Variants in MED12L observed in about 807,000 individuals in gnomAD.
MED12L encodes the protein mediator of RNA polymerase II transcription subunit 12-like protein.
Under a neutral mutation model 281.3 loss-of-function variants are expected in MED12L, and 60 were observed. The ratio of observed to expected loss-of-function variants is 0.21; its 90% CI spans 0.17 to 0.26. The LOEUF (loss-of-function observed/expected upper bound fraction) is 0.26, where lower values mean the gene tolerates loss of function less well. Among genes scored for constraint, MED12L ranks in the 10% least tolerant of loss-of-function variants. The pLI is 1.00. For synonymous variants in MED12L, 974 were observed against 987.2 expected (o/e 0.99, Z 0.25); for missense variants, 2,146 against 2,680.9 (o/e 0.80, Z 4.41).
intron 16 of MED12L, among the ~76,000 whole-genome samples, chr3:151,275,883 A>T (rs967181205): frequency 1.5e-4 from 23 of 152,168 alleles, no homozygotes; most frequent in Non-Finnish European, 5.9e-5. Flanking sequence ...TTTAGGAGGC[A>T]ATGCATCTTT....
In MED12L at chr3:151,373,855, C is replaced by T. The variant is rs928603196; in HGVS notation, c.3864+1089C>T. 1.5e-3 allele frequency among the ~76,000 whole-genome samples: 227 copies of T among 152,212 alleles called. 1 individual carries two copies. The highest frequency in any genetic ancestry group is 5.7e-4 in the Non-Finnish European group (39 of 68,016). On this transcript the variant is annotated intron_variant, in intron 27 of 44. Coordinates refer to ENST00000687756, the MANE Select transcript of MED12L (RefSeq NM_001393769.1). ...CTATTCCTCCAAGGAGCCCTTGGTT[C>T]TATTTAGCAGAGAACGTTACTGAGA...
chr3:151,224,816 C>T (rs937540551), intron 16 of MED12L, among the ~76,000 whole-genome samples: 8 of 152,122 alleles, frequency 5.3e-5, no homozygotes, highest in African/African-American at 1.9e-4. Context: ...CATTTGATAT[C>T]ATTGATTTCC....
At chr3:151,335,637 G>T (rs1750880388) in intron 16 of MED12L, among the ~76,000 whole-genome samples, 1 of 152,150 alleles carries the variant, frequency 6.6e-6, no homozygotes. Context: ...ACTGTGAAAT[G>T]TGGGGTTAAT....
intron 4 of MED12L, among the ~76,000 whole-genome samples, chr3:151,123,906 T>G (rs185058920): frequency 6.6e-5 from 10 of 152,376 alleles, no homozygotes; most frequent in Admixed American, 2.6e-4. Context: ...TGCATAGATT[T>G]CAGTGGTGAA....
chr3:151,190,713 A>C lies in MED12L; in HGVS notation c.1754-4A>C. Reference sequence around the variant, plus strand: ...AATTCTTGATTGAATTTGTTTCTCTATAGCGGACCCAAACAGTGAATGTGA... The same window carrying C: ...AATTCTTGATTGAATTTGTTTCTCTCTAGCGGACCCAAACAGTGAATGTGA... On this transcript the variant is annotated splice_polypyrimidine_tract_variant and splice_region_variant and intron_variant, in intron 13 of 44. Transcript: ENST00000687756. 6.2e-7 allele frequency: 1 copy of C among 1,613,828 alleles called. No homozygotes were observed. Among genetic ancestry groups the C allele is most frequent in the Non-Finnish European group, 8.5e-7 (1 of 1,179,800 alleles).
chr3:151,365,301 C>A (rs1014575220), intron 22 of MED12L, 95 bp downstream of exon 22: 5 of 1,001,802 alleles, frequency 5.0e-6, no homozygotes, highest in African/African-American at 3.2e-5. Flanking sequence ...TCTGGACTCA[C>A]ATTTGGCTAT....
At chr3:151,400,147 T>G (rs1715493123) in intron 39 of MED12L, among the ~76,000 whole-genome samples, 1 of 152,070 alleles carries the variant, frequency 6.6e-6, no homozygotes, top group Non-Finnish European at 1.5e-5. Flanking sequence ...TTCATACCCC[T>G]CACAATATCG....
At chr3:151,367,001 C>T (rs182714348) in intron 23 of MED12L, among the ~76,000 whole-genome samples, 5 of 152,068 alleles carry the variant, frequency 3.3e-5, no homozygotes, top group Admixed American at 2.0e-4. Flanking sequence ...GCATATGGTG[C>T]GAATCAGTAT....
chr3:151,415,212 CT>C (rs1717405221), intron 42 of MED12L, among the ~76,000 whole-genome samples: 2 of 152,050 alleles, frequency 1.3e-5, no homozygotes, highest in African/African-American at 4.8e-5. Flanking sequence ...ATAATATGTC[CT>C]TCTGGTAATT....
chr3:151,163,448 A>G (rs975805791), intron 8 of MED12L, among the ~76,000 whole-genome samples: 1 of 152,124 alleles, frequency 6.6e-6, no homozygotes, highest in African/African-American at 2.4e-5. Flanking sequence ...CTGCCTGCCC[A>G]CCATTTATGA....
chr3:151,173,581 T>C (rs1254898803), intron 11 of MED12L, among the ~76,000 whole-genome samples: 1 of 152,222 alleles, frequency 6.6e-6, no homozygotes, highest in African/African-American at 2.4e-5. Context: ...TTTAACATAG[T>C]AAACAATATT....
chr3:151,197,556 G>C (rs928680588), intron 16 of MED12L, among the ~76,000 whole-genome samples: 2 of 152,152 alleles, frequency 1.3e-5, no homozygotes, highest in Admixed American at 1.3e-4. Context: ...ACACGGCCTT[G>C]CTATGCGAAG....
intron 6 of MED12L, 49 bp from the exon 7 acceptor site, chr3:151,158,639 TG>T: frequency 7.8e-7 from 1 of 1,274,658 alleles, no homozygotes; most frequent in South Asian, 1.3e-5. Context: ...GTGCCTTTTT[TG>T]TTTTTTTTCT....
chr3:151,117,435 G>A (rs1712997423), intron 3 of MED12L, among the ~76,000 whole-genome samples: 1 of 152,038 alleles, frequency 6.6e-6, no homozygotes. Context: ...ACAGAGATGG[G>A]ACACATAGAT....
chr3:151,101,401 G>C (rs1310114968), intron 2 of MED12L, among the ~76,000 whole-genome samples: 1 of 152,190 alleles, frequency 6.6e-6, no homozygotes, highest in Non-Finnish European at 1.5e-5. Flanking sequence ...GAGGCACAGA[G>C]AGGTACTTAA....
intron 25 of MED12L, among the ~76,000 whole-genome samples, chr3:151,368,971 C>T (rs368404029): frequency 6.6e-6 from 1 of 152,044 alleles, no homozygotes; most frequent in South Asian, 2.1e-4. Flanking sequence ...CTGTGTTGGC[C>T]AGACTGGTCT....
chr3:151,175,499 TG>T (rs1721937628), intron 11 of MED12L, among the ~76,000 whole-genome samples: 1 of 152,228 alleles, frequency 6.6e-6, no homozygotes, highest in Non-Finnish European at 1.5e-5. Flanking sequence ...CTCCTTTTTA[TG>T]GTGTTATATA....
chr3:151,432,629 C>T, intron 44 of MED12L, 123 bp from the exon 45 acceptor site: 1 of 708,580 alleles, frequency 1.4e-6, no homozygotes, highest in Non-Finnish European at 2.5e-6. Flanking sequence ...AAGGATAGTA[C>T]TCTCCGGCCA....
intron 2 of MED12L, among the ~76,000 whole-genome samples, chr3:151,093,507 C>T (rs906766): frequency 0.022 from 3,276 of 152,266 alleles, 116 homozygotes; most frequent in East Asian, 0.17. Context: ...CTACCTGCTG[C>T]CCTTGATTTG....
Sources: allele counts gnomAD v4.1 joint callset (sites outside exome capture counted in the v4.1 genomes callset), GRCh38; gene constraint gnomAD v4.1.1; transcripts MANE v1.5; gene names NCBI Gene and HGNC (gene_info 2026-07-23, HGNC 2026-07-21).